The following CREB5 variants were observed in gnomAD, a reference collection of about 807,000 sequenced individuals.
CREB5 encodes the protein cyclic AMP-responsive element-binding protein 5.
Under a neutral mutation model 57.1 loss-of-function variants are expected in CREB5, and 19 were observed. The observed-to-expected ratio is 0.33, with a 90% CI of 0.23 to 0.49. The LOEUF is 0.49. Ranked by LOEUF, CREB5 falls within the 20% of genes least tolerant of loss-of-function variation. The probability of loss-of-function intolerance (pLI) is 0.99; values close to 1 mark genes in which losing one functional copy is unlikely to be tolerated. For synonymous variants in CREB5, 238 were observed against 238.3 expected (o/e 1.00, Z 0.01); for missense variants, 579 against 671.6 (o/e 0.86, Z 1.52).
chr7:28,670,882 G>A (rs1005427085), intron 5 of CREB5, among the ~76,000 whole-genome samples: 1 of 152,044 alleles, frequency 6.6e-6, no homozygotes. Flanking sequence ...TTTAAATAGA[G>A]ACAGGGTCTC....
intron 7 of CREB5, among the ~76,000 whole-genome samples, chr7:28,726,275 C>T (rs748459066): frequency 3.3e-5 from 5 of 152,024 alleles, no homozygotes; most frequent in Non-Finnish European, 7.4e-5. Context: ...CCCCAAGCTC[C>T]CACCTCTACC....
At chr7:28,679,916 G>A (rs568236260) in intron 5 of CREB5, among the ~76,000 whole-genome samples, 2 of 152,322 alleles carry the variant, frequency 1.3e-5, no homozygotes, top group South Asian at 2.1e-4. Context: ...AGTCTAGTCT[G>A]TTGCAGGCAT....
chr7:28,716,667 TA>T (rs1158703837), intron 5 of CREB5, among the ~76,000 whole-genome samples: 1 of 152,222 alleles, frequency 6.6e-6, no homozygotes, highest in East Asian at 1.9e-4. Context: ...TTCTATTCAG[TA>T]AAGTTCCCAA....
chr7:28,608,262 T>C (rs1393779308), intron 5 of CREB5, among the ~76,000 whole-genome samples: 1 of 152,140 alleles, frequency 6.6e-6, no homozygotes, highest in Non-Finnish European at 1.5e-5. Flanking sequence ...ACAGGTTTCA[T>C]ATTTTCCCAT....
At chr7:28,719,794 G>T (rs1802913819) in intron 6 of CREB5, among the ~76,000 whole-genome samples, 1 of 152,180 alleles carries the variant, frequency 6.6e-6, no homozygotes, top group Non-Finnish European at 1.5e-5. Context: ...AGGCGTGGTG[G>T]CTCTCGCCTG....
intron 4 of CREB5, among the ~76,000 whole-genome samples, chr7:28,541,891 A>C (rs1237606541): frequency 6.6e-6 from 1 of 152,134 alleles, no homozygotes; most frequent in Non-Finnish European, 1.5e-5. Context: ...CTTTATGCTC[A>C]ATTCAAAGGT....
Position 28,822,851 on chromosome 7 carries a change from A to C in CREB5, c.*3572A>C, listed in dbSNP as rs377751488. The C allele has an allele frequency of 6.6e-6, 1 of 152,542 alleles. No individual in the cohort carries two copies. Among genetic ancestry groups the C allele is most frequent in the Admixed American group, 6.5e-5 (1 of 15,282 alleles). The allele number at this position is 152,542 out of a possible 1,614,324, so 9.4% of individuals were successfully genotyped here. On this transcript the variant is annotated 3_prime_UTR_variant, in exon 11 of 11. Transcript: ENST00000357727. ...GTTAAGTCGGATGTTTTCCCGTTAC[A>C]CTACTACTCAGCCCTCTCCTGCGGC...
Position 28,693,090 on chromosome 7 carries a change from GTCTT to G in CREB5, c.465-25655_465-25652del, listed in dbSNP as rs3041242. ...CAAGACCCATCTAGCTAGCAACAAA[GTCTT>G]TCTTTCTCTCTCTTCACATGGTACC... On this transcript the variant is annotated intron_variant, in intron 5 of 10. Transcript: ENST00000357727. Among the ~76,000 whole-genome samples the G allele has an allele frequency of 7.5e-3, 1,138 of 152,254 alleles. 28 individuals carry two copies. Among genetic ancestry groups the G allele is most frequent in the Admixed American group, 0.052 (799 of 15,294 alleles).
At chr7:28,781,528 T>C (rs955380024) in intron 7 of CREB5, among the ~76,000 whole-genome samples, 10 of 152,194 alleles carry the variant, frequency 6.6e-5, no homozygotes, top group African/African-American at 2.2e-4. Context: ...AGAAATACTT[T>C]TGTGAAGATC....
rs1474335177 is a variant in CREB5 at position 28,560,946 on chromosome 7, G to A, written c.292-9419G>A. ...TGCGCGTGCGTGTGTGCGTGCGTGT[G>A]TGTGCGTGTGTGTGCGTGTGTGTGT... is the stretch of plus-strand genomic sequence containing the variant. On this transcript the variant is annotated intron_variant, in intron 4 of 10. Coordinates refer to ENST00000357727, the MANE Select transcript of CREB5 (RefSeq NM_182898.4). Among the ~76,000 whole-genome samples, 110 of 41,422 alleles carry A rather than the reference G, an allele frequency of 2.7e-3. 2 individuals carry two copies. Among genetic ancestry groups the A allele is most frequent in the Non-Finnish European group, 3.4e-3 (79 of 23,040 alleles). The allele number at this position is 41,422 out of a possible 152,430, so 27.2% of individuals were successfully genotyped here.
chr7:28,507,227 A>AT (rs5883140), intron 3 of CREB5, among the ~76,000 whole-genome samples: 46 of 151,518 alleles, frequency 3.0e-4, no homozygotes, highest in East Asian at 1.4e-3. Flanking sequence ...ATTGGGTCAG[A>AT]TTTTTTTTTG....
Position 28,709,129 on chromosome 7 carries a change from T to C in CREB5, c.465-9624T>C, listed in dbSNP as rs369599386. Among the ~76,000 whole-genome samples, 27 of 152,358 alleles carry C rather than the reference T, an allele frequency of 1.8e-4. No individual in the cohort carries two copies. The East Asian group carries it at 4.6e-3, about 26-fold the overall frequency. On this transcript the variant is annotated intron_variant, in intron 5 of 10. Coordinates refer to ENST00000357727, the MANE Select transcript of CREB5 (RefSeq NM_182898.4). ...TTTATTTCATCTTTTGGTCTGCATT[T>C]ACTTGCCTTTTCTAAGTGTAACTTT...
intron 1 of CREB5, among the ~76,000 whole-genome samples, chr7:28,380,208 C>T (rs1786940153): frequency 6.6e-6 from 1 of 152,190 alleles, no homozygotes; most frequent in Admixed American, 6.5e-5. Flanking sequence ...AAGTTCTCTA[C>T]AGCCATAGGT....
intron 5 of CREB5, among the ~76,000 whole-genome samples, chr7:28,677,750 G>C (rs1322952535): frequency 6.6e-6 from 1 of 152,138 alleles, no homozygotes; most frequent in Non-Finnish European, 1.5e-5. Context: ...GCACATACCT[G>C]TACTGTAGTT....
intron 5 of CREB5, among the ~76,000 whole-genome samples, chr7:28,684,833 C>G (rs1315561011): frequency 1.3e-5 from 2 of 151,778 alleles, no homozygotes; most frequent in African/African-American, 2.4e-5. Flanking sequence ...TTACTTTTTT[C>G]TTTTTGAAGG....
At chr7:28,809,164 C>T (rs972893537) in intron 8 of CREB5, 23 bp from the exon 9 acceptor site, 3 of 1,592,800 alleles carry the variant, frequency 1.9e-6, no homozygotes, top group Admixed American at 3.4e-5. Flanking sequence ...TCCCCATCAC[C>T]TCCTCCCTCT....
At chr7:28,405,601 G>C (rs1355898247) in intron 1 of CREB5, among the ~76,000 whole-genome samples, 1 of 152,092 alleles carries the variant, frequency 6.6e-6, no homozygotes, top group Non-Finnish European at 1.5e-5. Flanking sequence ...TTTTTGTAGA[G>C]ACGCTCAGGC....
chr7:28,348,177 C>T (rs114592594), intron 1 of CREB5, among the ~76,000 whole-genome samples: 2,934 of 152,226 alleles, frequency 0.019, 56 homozygotes, highest in Admixed American at 0.029. Context: ...CATGTGGCTT[C>T]TTATTCCACA....
chr7:28,598,489 C>T (rs1254373165), intron 5 of CREB5, among the ~76,000 whole-genome samples: 4 of 152,176 alleles, frequency 2.6e-5, no homozygotes, highest in African/African-American at 9.7e-5. Context: ...TCTTTGGACA[C>T]TTGGCCTGTG....
Sources: gnomAD v4.1 joint callset for allele counts (sites outside exome capture counted in the v4.1 genomes callset) on GRCh38, gnomAD v4.1.1 for gene constraint, MANE v1.5 for transcripts, NCBI Gene and HGNC (gene_info 2026-07-23, HGNC 2026-07-21) for gene names.